The following WDR70 variants were observed in gnomAD, a reference collection of about 807,000 sequenced individuals.
WDR70 encodes the protein WD repeat-containing protein 70.
WDR70 carries 53 observed loss-of-function variants against 88.6 expected under a neutral mutation model. The observed-to-expected ratio is 0.60, with a 90% confidence interval of 0.48 to 0.75. The LOEUF is 0.75. WDR70 is among the 30% of genes least tolerant of loss of function. WDR70 has a pLI of 0.00. For synonymous variants in WDR70, 280 were observed against 270.0 expected (o/e 1.04, Z -0.36); for missense variants, 610 against 823.2 (o/e 0.74, Z 3.17).
chr5:37,686,978 T>C (rs1746627598), intron 10 of WDR70, among the ~76,000 whole-genome samples: 2 of 137,688 alleles, frequency 1.5e-5, no homozygotes, highest in South Asian at 4.7e-4. Flanking sequence ...ATAATAATAA[T>C]AATAATAAGC....
At chr5:37,707,481 A>G (rs555450233) in intron 13 of WDR70, among the ~76,000 whole-genome samples, 1 of 152,360 alleles carries the variant, frequency 6.6e-6, no homozygotes, top group East Asian at 1.9e-4. Flanking sequence ...AAATGAGGAT[A>G]AGAAAGAATT....
At chr5:37,673,676 T>A (rs964527834) in intron 10 of WDR70, among the ~76,000 whole-genome samples, 1 of 148,382 alleles carries the variant, frequency 6.7e-6, no homozygotes. Context: ...TAGGTAAATA[T>A]GTGCCATGGT....
At chr5:37,417,539 CG>C (rs1341655387) in intron 5 of WDR70, among the ~76,000 whole-genome samples, 5 of 50,596 alleles carry the variant, frequency 9.9e-5, no homozygotes, top group Admixed American at 3.5e-4. Context: ...CCCCCACCGA[CG>C]TTTTTTTTTT....
chr5:37,676,989 C>A (rs1357950177), intron 10 of WDR70, among the ~76,000 whole-genome samples: 1 of 152,124 alleles, frequency 6.6e-6, no homozygotes, highest in African/African-American at 2.4e-5. Context: ...AGGAATTTAT[C>A]CATTTCTTCT....
In WDR70 at chr5:37,674,033, GTTGAT is replaced by G. The variant is rs557674409; in HGVS notation, c.1093-23620_1093-23616del. Among the ~76,000 whole-genome samples the G allele has an allele frequency of 3.9e-5, 6 of 152,150 alleles. No individual in the cohort carries two copies. The South Asian group carries it at 1.2e-3, about 32-fold the overall frequency. The stretch of plus-strand genomic sequence containing the variant: ...CAGTCTATCATTGATGGGCATTTAG[GTTGAT>G]TCCATGTCTTTGTTATTGTGAATAG... On this transcript the variant is annotated intron_variant, in intron 10 of 17. Transcript: ENST00000265107.
chr5:37,680,707 G>T (rs193052034), intron 10 of WDR70, among the ~76,000 whole-genome samples: 184 of 152,282 alleles, frequency 1.2e-3, no homozygotes, highest in African/African-American at 4.2e-3. Context: ...TCAGATGGTT[G>T]TAGGAGTGTG....
intron 17 of WDR70, among the ~76,000 whole-genome samples, chr5:37,740,166 G>A (rs1748431743): frequency 6.6e-6 from 1 of 152,122 alleles, no homozygotes; most frequent in Admixed American, 6.5e-5. Context: ...GAAATCTCCT[G>A]GTTCTAGTCC....
chr5:37,658,554 C>A (rs1339840101), intron 10 of WDR70, among the ~76,000 whole-genome samples: 1 of 152,126 alleles, frequency 6.6e-6, no homozygotes, highest in African/African-American at 2.4e-5. Flanking sequence ...CCTTAAATAT[C>A]ATCACCTCTG....
intron 9 of WDR70, among the ~76,000 whole-genome samples, chr5:37,588,973 C>T (rs997935881): frequency 6.6e-6 from 1 of 151,960 alleles, no homozygotes; most frequent in Non-Finnish European, 1.5e-5. Context: ...CCATGTTGGC[C>T]AGGCTAGTCT....
At chr5:37,691,713 G>A (rs898349075) in intron 10 of WDR70, among the ~76,000 whole-genome samples, 6 of 152,210 alleles carry the variant, frequency 3.9e-5, no homozygotes, top group Non-Finnish European at 7.3e-5. Context: ...TTAAAGCAGT[G>A]TGTAAAGGGA....
At chr5:37,389,120 T>C (rs1748725451) in intron 3 of WDR70, among the ~76,000 whole-genome samples, 3 of 139,818 alleles carry the variant, frequency 2.1e-5, no homozygotes, top group East Asian at 2.1e-4. Context: ...GGAGATGGAG[T>C]CTCACTCTGT....
intron 3 of WDR70, among the ~76,000 whole-genome samples, chr5:37,385,676 C>T (rs1448009487): frequency 6.6e-6 from 1 of 151,972 alleles, no homozygotes; most frequent in Admixed American, 6.6e-5. Flanking sequence ...CACTAAGTCA[C>T]TTCAATAGCA....
At chr5:37,573,356 C>T (rs1369082851) in intron 9 of WDR70, among the ~76,000 whole-genome samples, 2 of 152,076 alleles carry the variant, frequency 1.3e-5, no homozygotes, top group Non-Finnish European at 2.9e-5. Flanking sequence ...CCTGTTCACC[C>T]GAATTCTCCC....
chr5:37,476,013 G>GT (rs1017519273), intron 7 of WDR70, among the ~76,000 whole-genome samples: 85 of 149,154 alleles, frequency 5.7e-4, no homozygotes, highest in African/African-American at 1.5e-3. Context: ...GCCCAGCTAT[G>GT]TTTTTTTTTG....
At position 37,689,126 on chromosome 5, in the gene WDR70, C is replaced by T. The variant is rs550887750; in HGVS notation, c.1093-8529C>T. 3.0e-4 allele frequency among the ~76,000 whole-genome samples: 46 copies of T among 152,356 alleles called. 1 individual carries two copies. Among genetic ancestry groups the T allele is most frequent in the South Asian group, 1.9e-3 (9 of 4,832 alleles). Reference sequence around the variant, plus strand: ...ATCGAACTTCAAGGCGGCAGCCTGGCTGGGGGAGGGGCGTCCGCCATTGCT... The same window carrying T: ...ATCGAACTTCAAGGCGGCAGCCTGGTTGGGGGAGGGGCGTCCGCCATTGCT... On this transcript the variant is annotated intron_variant, in intron 10 of 17. Coordinates refer to ENST00000265107, the MANE Select transcript of WDR70 (RefSeq NM_018034.4).
At chr5:37,658,297 G>C (rs961695358) in intron 10 of WDR70, among the ~76,000 whole-genome samples, 7 of 151,836 alleles carry the variant, frequency 4.6e-5, no homozygotes, top group African/African-American at 1.7e-4. Context: ...GTAGATGCTA[G>C]TTAAAAAAGA....
chr5:37,546,398 A>G (rs1227959959), intron 9 of WDR70, among the ~76,000 whole-genome samples: 2 of 152,154 alleles, frequency 1.3e-5, no homozygotes, highest in African/African-American at 4.8e-5. Context: ...ATAAAGTTCA[A>G]GTTTGTTATG....
At chr5:37,412,323 G>C (rs1211091973) in intron 5 of WDR70, among the ~76,000 whole-genome samples, 1 of 152,160 alleles carries the variant, frequency 6.6e-6, no homozygotes, top group Non-Finnish European at 1.5e-5. Context: ...GGAGGTGGAG[G>C]TTGCAGTGAG....
chr5:37,702,063 A>G (rs985100254), intron 12 of WDR70, among the ~76,000 whole-genome samples: 2 of 152,148 alleles, frequency 1.3e-5, no homozygotes, highest in Non-Finnish European at 2.9e-5. Flanking sequence ...AAATTGTTCT[A>G]TTTTGGTAGA....
Sources: gnomAD v4.1 joint callset for allele counts (sites outside exome capture counted in the v4.1 genomes callset) on GRCh38, gnomAD v4.1.1 for gene constraint, MANE v1.5 for transcripts, NCBI Gene and HGNC (gene_info 2026-07-23, HGNC 2026-07-21) for gene names.